Variants in OSBPL10 observed in about 807,000 individuals in gnomAD.
OSBPL10 encodes oxysterol binding protein like 10.
OSBPL10 carries 49 observed loss-of-function variants against 81.7 expected under a neutral mutation model. The observed-to-expected ratio is 0.60, with a 90% CI of 0.48 to 0.76. OSBPL10 has a LOEUF of 0.76. Ranked by LOEUF, OSBPL10 falls within the 30% of genes least tolerant of loss-of-function variation. The pLI, the probability that OSBPL10 is intolerant of heterozygous loss-of-function variation, is 0.00. For missense variants in OSBPL10, 923 were observed against 987.8 expected, an observed-to-expected ratio of 0.93 and a Z score of 0.88; for synonymous variants, 419 against 383.6, an observed-to-expected ratio of 1.09 and a Z score of -1.08.
intron 4 of OSBPL10, among the ~76,000 whole-genome samples, chr3:31,809,306 T>C (rs554610337): frequency 1.3e-5 from 2 of 152,150 alleles, no homozygotes; most frequent in African/African-American, 4.8e-5. Context: ...AGTCGCCCAA[T>C]CAAGTAGAAC....
chr3:31,693,882 C>T (rs955646907), intron 7 of OSBPL10, among the ~76,000 whole-genome samples: 2 of 152,180 alleles, frequency 1.3e-5, no homozygotes, highest in African/African-American at 4.8e-5. Flanking sequence ...ATCCTCCTGC[C>T]TCAGCCTCCC....
At chr3:31,678,375 G>T (rs1341381002) in intron 8 of OSBPL10, among the ~76,000 whole-genome samples, 2 of 152,186 alleles carry the variant, frequency 1.3e-5, no homozygotes, top group Non-Finnish European at 2.9e-5. Context: ...ATTGTGTGGG[G>T]AAGAGAGAAT....
chr3:31,684,789 T>A (rs1405647601), intron 7 of OSBPL10, among the ~76,000 whole-genome samples: 3 of 152,112 alleles, frequency 2.0e-5, no homozygotes, highest in Non-Finnish European at 4.4e-5. Flanking sequence ...TCTGTGGAGG[T>A]CGGTCCTCAA....
chr3:31,984,596 T>C (rs1698907767), upstream of OSBPL10, among the ~76,000 whole-genome samples: 1 of 152,134 alleles, frequency 6.6e-6, no homozygotes, highest in South Asian at 2.1e-4. Context: ...TGGTGTTATC[T>C]ATAGGAGTGA....
At chr3:31,694,366 G>GTC (rs1559419439) in intron 7 of OSBPL10, among the ~76,000 whole-genome samples, 1 of 53,466 alleles carries the variant, frequency 1.9e-5, no homozygotes, top group Non-Finnish European at 3.1e-5. Flanking sequence ...GTAAGACTCT[G>GTC]TCTCAAAAAA....
At chr3:31,799,379 T>TTA (rs371267088) in intron 4 of OSBPL10, among the ~76,000 whole-genome samples, 23 of 56,242 alleles carry the variant, frequency 4.1e-4, no homozygotes, top group African/African-American at 1.0e-3. Context: ...CCTATCTCTT[T>TTA]AAAAAAAAAA....
intron 2 of OSBPL10, among the ~76,000 whole-genome samples, chr3:32,032,138 G>C (rs910767406): frequency 6.6e-6 from 1 of 152,062 alleles, no homozygotes; most frequent in East Asian, 1.9e-4. Context: ...AAATAAATAG[G>C]CCAGGCATGA....
Position 31,932,119 on chromosome 3 carries a change from C to T in OSBPL10, c.281+48780G>A, listed in dbSNP as rs184951031. 3.3e-5 allele frequency among the ~76,000 whole-genome samples: 5 copies of T among 150,868 alleles called. No homozygotes were observed. In the East Asian group the frequency reaches 7.8e-4, roughly 23 times the overall value. ...ATTTATATATCTGATTATATTATAC[C>T]GAAAAATAAAAATGAAAATGAAAAA... On this transcript the variant is annotated intron_variant, in intron 1 of 11. Coordinates refer to ENST00000396556, the MANE Select transcript of OSBPL10 (RefSeq NM_017784.5).
intron 4 of OSBPL10, among the ~76,000 whole-genome samples, chr3:31,826,665 T>C (rs889215925): frequency 6.6e-6 from 1 of 152,226 alleles, no homozygotes; most frequent in Non-Finnish European, 1.5e-5. Flanking sequence ...TCCTATTCCA[T>C]TTTCTTCTCG....
intron 4 of OSBPL10, among the ~76,000 whole-genome samples, chr3:31,805,763 T>A (rs1699506544): frequency 6.6e-6 from 1 of 152,186 alleles, no homozygotes; most frequent in Admixed American, 6.5e-5. Flanking sequence ...CACAAAAGTA[T>A]CTTTGAGGTC....
intron 4 of OSBPL10, among the ~76,000 whole-genome samples, chr3:31,808,520 G>A (rs979762554): frequency 1.3e-5 from 2 of 152,050 alleles, no homozygotes; most frequent in Admixed American, 6.5e-5. Flanking sequence ...CCAGTGGACT[G>A]AGAGGGCAAA....
chr3:32,014,622 AG>A (rs1699296226), intron 2 of OSBPL10, among the ~76,000 whole-genome samples: 1 of 152,220 alleles, frequency 6.6e-6, no homozygotes, highest in African/African-American at 2.4e-5. Context: ...AAGGAAATAA[AG>A]GGTATTCAAT....
At chr3:31,668,124 T>C (rs1700242462) in intron 10 of OSBPL10, among the ~76,000 whole-genome samples, 1 of 152,246 alleles carries the variant, frequency 6.6e-6, no homozygotes, top group Admixed American at 6.5e-5. Context: ...GAACAGATTC[T>C]TAGAAGTAGA....
chr3:31,677,851 G>T (rs1392741589), intron 8 of OSBPL10, among the ~76,000 whole-genome samples: 2 of 149,974 alleles, frequency 1.3e-5, no homozygotes, highest in East Asian at 3.9e-4. Flanking sequence ...GGAGGCCGAG[G>T]CGGGTGGATC....
At chr3:31,862,809 T>C (rs1370014082) in intron 3 of OSBPL10, among the ~76,000 whole-genome samples, 2 of 152,184 alleles carry the variant, frequency 1.3e-5, no homozygotes. Context: ...ACCCTATACA[T>C]TGCTGATAGG....
At chr3:31,990,736 C>G (rs1559544720) in intron 2 of OSBPL10, 6 of 1,613,964 alleles carry the variant, frequency 3.7e-6, no homozygotes, top group East Asian at 4.5e-5. Context: ...CAAATCACAC[C>G]ATGAAACACA....
chr3:31,896,659 T>C (rs1156906482), intron 1 of OSBPL10, among the ~76,000 whole-genome samples: 1 of 152,216 alleles, frequency 6.6e-6, no homozygotes, highest in Non-Finnish European at 1.5e-5. Flanking sequence ...ATCATTGTCA[T>C]GGGCAGATAA....
chr3:31,888,261 T>C (rs557536620), intron 1 of OSBPL10, among the ~76,000 whole-genome samples: 3 of 152,258 alleles, frequency 2.0e-5, no homozygotes, highest in Admixed American at 6.5e-5. Context: ...CGGGGACAAC[T>C]GGATATCCAT....
intron 3 of OSBPL10, among the ~76,000 whole-genome samples, chr3:31,838,841 G>A (rs369031820): frequency 1.8e-4 from 28 of 152,320 alleles, no homozygotes; most frequent in African/African-American, 6.3e-4. Flanking sequence ...TGTTTATATG[G>A]TTTTTAATTA....
Sources: gnomAD v4.1 joint callset for allele counts (sites outside exome capture counted in the v4.1 genomes callset) on GRCh38, gnomAD v4.1.1 for gene constraint, MANE v1.5 for transcripts, NCBI Gene and HGNC (gene_info 2026-07-23, HGNC 2026-07-21) for gene names.